The following KCNQ1 variants were observed in gnomAD, a reference collection of about 807,000 sequenced individuals.
KCNQ1 encodes the protein potassium voltage-gated channel subfamily Q member 1.
A neutral mutation model predicts 72.4 loss-of-function variants in KCNQ1; 49 were observed. That is an observed-to-expected ratio of 0.68 (90% CI 0.54 to 0.86). KCNQ1 has a LOEUF of 0.86. Ranked by LOEUF, KCNQ1 falls within the 40% of genes least tolerant of loss-of-function variation. The probability of loss-of-function intolerance (pLI) is 0.00; values close to 1 mark genes in which losing one functional copy is unlikely to be tolerated. For synonymous variants in KCNQ1, 450 were observed against 412.6 expected, an observed-to-expected ratio of 1.09 and a Z score of -1.10; for missense variants, 790 against 945.1, an observed-to-expected ratio of 0.84 and a Z score of 2.15.
Position 2,657,210 on chromosome 11 carries a change from A to G in KCNQ1, c.1394-4751A>G. On this transcript the variant is annotated intron_variant, in intron 10 of 15. Transcript: ENST00000155840. The surrounding 1 kb of genome is among the most constrained non-coding windows in gnomAD (Gnocchi z 4.8). ...ATATTGCCAATTCTTGGCTTTTTGCACTTCCAAGTCGCAGTTAGAATCAGC... is the reference window on the plus strand; with the variant it reads ...ATATTGCCAATTCTTGGCTTTTTGCGCTTCCAAGTCGCAGTTAGAATCAGC... 1.3e-5 allele frequency: 5 copies of G among 398,622 alleles called. No individual in the cohort carries two copies. Among genetic ancestry groups the G allele is most frequent in the Non-Finnish European group, 1.8e-5 (4 of 226,064 alleles). The allele number at this position is 398,622 out of a possible 1,614,324, so 24.7% of individuals were successfully genotyped here.
chr11:2,820,804 C>G (rs1049131992), intron 15 of KCNQ1, among the ~76,000 whole-genome samples: 1 of 152,246 alleles, frequency 6.6e-6, no homozygotes, highest in Admixed American at 6.5e-5. Flanking sequence ...GCCTCCCTTC[C>G]CTCCTGCTAG....
Position 2,808,222 on chromosome 11 carries a change from C to G in KCNQ1, c.1794+30185C>G, listed in dbSNP as rs1039008045. Among the ~76,000 whole-genome samples the G allele has an allele frequency of 6.6e-6, 1 of 152,216 alleles. No individual in the cohort carries two copies. The highest frequency in any genetic ancestry group is 2.4e-5 in the African/African-American group (1 of 41,460). Reference sequence around the variant, plus strand: ...TTGAGGGTGAACCCATCCAGGCTGGCCCGCCTTCCAGCCCTCCCCCAGCAC... The same window carrying G: ...TTGAGGGTGAACCCATCCAGGCTGGGCCGCCTTCCAGCCCTCCCCCAGCAC... On this transcript the variant is annotated intron_variant, in intron 15 of 15. Coordinates refer to ENST00000155840, the MANE Select transcript of KCNQ1 (RefSeq NM_000218.3). The surrounding 1 kb of genome is among the most constrained non-coding windows in gnomAD (Gnocchi z 6.0).
intron 10 of KCNQ1, chr11:2,614,700 T>G: frequency 2.5e-6 from 1 of 398,498 alleles, no homozygotes; most frequent in Non-Finnish European, 4.4e-6. Context: ...GAGTGTTTAT[T>G]TCTACATTCT....
intron 10 of KCNQ1, among the ~76,000 whole-genome samples, chr11:2,589,839 C>T (rs1415080349): frequency 3.9e-5 from 6 of 152,192 alleles, no homozygotes; most frequent in Non-Finnish European, 5.9e-5. Flanking sequence ...TCAGGAGGCA[C>T]ACGTGATGCA....
Position 2,678,831 on chromosome 11 carries a change from A to C in KCNQ1, c.1514+16750A>C. 1 of 398,636 alleles carries C rather than the reference A, an allele frequency of 2.5e-6. No homozygotes were observed. The highest frequency in any genetic ancestry group is 3.6e-5 in the East Asian group (1 of 28,076). The allele number at this position is 398,636 out of a possible 1,614,324, so 24.7% of individuals were successfully genotyped here. On this transcript the variant is annotated intron_variant, in intron 11 of 15. Transcript: ENST00000155840. The surrounding 1 kb of genome is among the most constrained non-coding windows in gnomAD (Gnocchi z 4.9). ...CTTGTTTCTTCCAAGGCTCACTTCA[A>C]GGAAGGCAGAATCCAGGTCGGGGGT... is the stretch of plus-strand genomic sequence containing the variant.
At chr11:2,583,260 G>A (rs1848530965) in intron 6 of KCNQ1, among the ~76,000 whole-genome samples, 175 bp from the exon 7 acceptor site, 1 of 152,192 alleles carries the variant, frequency 6.6e-6, no homozygotes. Flanking sequence ...TGGGAGACAT[G>A]TGCCATCCCG....
intron 11 of KCNQ1, chr11:2,694,186 AG>A: frequency 2.5e-6 from 1 of 398,674 alleles, no homozygotes; most frequent in African/African-American, 2.1e-5. Context: ...GGCCTGGGCC[AG>A]GGTCTTTCTC....
Position 2,541,417 on chromosome 11 carries a change from C to G in KCNQ1, c.477+13399C>G, listed in dbSNP as rs993942109. 6.6e-6 allele frequency among the ~76,000 whole-genome samples: 1 copy of G among 152,060 alleles called. No individual in the cohort carries two copies. The highest frequency in any genetic ancestry group is 1.5e-5 in the Non-Finnish European group (1 of 68,018). On this transcript the variant is annotated intron_variant, in intron 2 of 15. Coordinates refer to ENST00000155840, the MANE Select transcript of KCNQ1 (RefSeq NM_000218.3). The surrounding 1 kb of genome is among the most constrained non-coding windows in gnomAD (Gnocchi z 4.8). Reference sequence around the variant, plus strand: ...GGGGCCTGTGTCTCTTCTCACTGACCGTTTTCTGAAACTGGCTGGGGAGGG... The same window carrying G: ...GGGGCCTGTGTCTCTTCTCACTGACGGTTTTCTGAAACTGGCTGGGGAGGG...
Position 2,669,123 on chromosome 11 carries a change from C to A in KCNQ1, c.1514+7042C>A, listed in dbSNP as rs940183340. 5 of 398,612 alleles carry A rather than the reference C, an allele frequency of 1.3e-5. No individual in the cohort carries two copies. Among genetic ancestry groups the A allele is most frequent in the African/African-American group, 8.2e-5 (4 of 48,636 alleles). The allele number at this position is 398,612 out of a possible 1,614,324, so 24.7% of individuals were successfully genotyped here. A position where few individuals can be genotyped will look rare whatever the true frequency, so the allele number is the denominator to read the frequency against. ...TCACTGGCTACGTGTGGCTCTGTTT[C>A]TGGACCCTATTGGGTGCCACTGGTC... On this transcript the variant is annotated intron_variant, in intron 11 of 15. Transcript: ENST00000155840. The surrounding 1 kb of genome is among the most constrained non-coding windows in gnomAD (Gnocchi z 5.6).
intron 10 of KCNQ1, chr11:2,648,674 C>T (rs1849704740): frequency 2.5e-6 from 1 of 398,424 alleles, no homozygotes; most frequent in Non-Finnish European, 4.4e-6. Context: ...TTTATTGAGA[C>T]CCGTTTTGTG....
At chr11:2,578,579 C>T (rs1359706071) in intron 6 of KCNQ1, among the ~76,000 whole-genome samples, 3 of 152,364 alleles carry the variant, frequency 2.0e-5, no homozygotes, top group African/African-American at 7.2e-5. Context: ...GCGCCCTTGG[C>T]CCAGAGCCTC....
rs1055800116 is a variant in KCNQ1 at position 2,769,673 on chromosome 11, G to A, written c.1590+754G>A. Among the ~76,000 whole-genome samples the A allele has an allele frequency of 2.6e-5, 4 of 152,160 alleles. No individual in the cohort carries two copies. The South Asian group carries it at 6.2e-4, about 24-fold the overall frequency. ...ATACATGTGTAGGTGTGGGAACCCCGTATCCTCTGTGGTGGGTGATCCAGA... is the reference window on the plus strand; with the variant it reads ...ATACATGTGTAGGTGTGGGAACCCCATATCCTCTGTGGTGGGTGATCCAGA... On this transcript the variant is annotated intron_variant, in intron 12 of 15. Transcript: ENST00000155840. The surrounding 1 kb of genome is among the most constrained non-coding windows in gnomAD (Gnocchi z 4.6).
intron 10 of KCNQ1, among the ~76,000 whole-genome samples, chr11:2,591,257 G>A (rs1337121627): frequency 6.6e-6 from 1 of 152,352 alleles, no homozygotes. Flanking sequence ...AGGAGGCTGG[G>A]TGGTGTTCCC....
At chr11:2,512,398 T>C (rs1261307374) in intron 1 of KCNQ1, among the ~76,000 whole-genome samples, 1 of 152,096 alleles carries the variant, frequency 6.6e-6, no homozygotes, top group Non-Finnish European at 1.5e-5. Context: ...CCTATCCCAA[T>C]ATGCCTACCT....
At chr11:2,502,266 G>A (rs1847029109) in intron 1 of KCNQ1, among the ~76,000 whole-genome samples, 1 of 152,156 alleles carries the variant, frequency 6.6e-6, no homozygotes, top group African/African-American at 2.4e-5. Flanking sequence ...ATCCTTGTTT[G>A]CAGATGATGT....
At chr11:2,662,668 C>A (rs976303177) in intron 11 of KCNQ1, 2 of 405,832 alleles carry the variant, frequency 4.9e-6, no homozygotes, top group African/African-American at 2.1e-5. Flanking sequence ...ACATGTGACT[C>A]CCCGCTGGGG....
At position 2,645,057 on chromosome 11, in the gene KCNQ1, T is replaced by A; in HGVS notation, c.1394-16904T>A. 2.5e-6 allele frequency: 1 copy of A among 398,776 alleles called. No individual in the cohort carries two copies. The highest frequency in any genetic ancestry group is 4.4e-6 in the Non-Finnish European group (1 of 226,196). 24.7% of individuals were successfully genotyped at this position (398,776 alleles called of 1,614,324 possible). A position where few individuals can be genotyped will look rare whatever the true frequency, so the allele number is the denominator to read the frequency against. ...AGGCAACTTGCTCAGGTGCCAATGA[T>A]GACAGAGCTGGGCCACAGGGTGGGT... On this transcript the variant is annotated intron_variant, in intron 10 of 15. Coordinates refer to ENST00000155840, the MANE Select transcript of KCNQ1 (RefSeq NM_000218.3). This position sits in a 1 kb window ranked among gnomAD's most constrained non-coding sequence, Gnocchi z 5.8.
intron 10 of KCNQ1, chr11:2,625,283 C>G: frequency 2.5e-6 from 1 of 398,674 alleles, no homozygotes; most frequent in Non-Finnish European, 4.4e-6. Context: ...CAAGATCTGG[C>G]TCTGTCACTT....
intron 15 of KCNQ1, among the ~76,000 whole-genome samples, chr11:2,797,043 C>T (rs772279369): frequency 5.9e-5 from 9 of 152,240 alleles, no homozygotes; most frequent in East Asian, 1.9e-4. Flanking sequence ...GGCGGCAAAC[C>T]GTCCCCACGG....
Sources: gnomAD v4.1 joint callset for allele counts (sites outside exome capture counted in the v4.1 genomes callset) on GRCh38, gnomAD v4.1.1 for gene constraint, Gnocchi (gnomAD v3.1) non-coding constraint, MANE v1.5 for transcripts, NCBI Gene and HGNC (gene_info 2026-07-23, HGNC 2026-07-21) for gene names.